Variants in ZNG1B observed in about 807,000 individuals in gnomAD.
ZNG1B encodes zinc-regulated GTPase metalloprotein activator 1B.
chr2:113,472,335 G>T, the ZNG1B span, among the ~76,000 whole-genome samples: 3 of 151,678 alleles, frequency 2.0e-5, no homozygotes, highest in African/African-American at 7.3e-5. Context: ...GGGGTTGTTT[G>T]TTTTTTTTCT....
chr2:113,462,512 T>C, the ZNG1B span: 2 of 1,588,628 alleles, frequency 1.3e-6, no homozygotes, highest in Non-Finnish European at 1.7e-6. Flanking sequence ...ATGATAAGTG[T>C]GTTAAGTGCC....
At chr2:113,461,529 G>A in the ZNG1B span, among the ~76,000 whole-genome samples, 1 of 152,120 alleles carries the variant, frequency 6.6e-6, no homozygotes, top group Non-Finnish European at 1.5e-5. Context: ...AGTGAATTCA[G>A]TTTTGAGAAT....
chr2:113,442,470 C>T, the ZNG1B span, among the ~76,000 whole-genome samples: 1 of 152,144 alleles, frequency 6.6e-6, no homozygotes, highest in Admixed American at 6.5e-5. Context: ...GATGGGAAGC[C>T]AGTTATATTC....
chr2:113,474,753 A>G, the ZNG1B span, among the ~76,000 whole-genome samples: 150 of 152,174 alleles, frequency 9.9e-4, 1 homozygote, highest in Middle Eastern at 3.4e-3. Flanking sequence ...TGTACCCAGT[A>G]GTCATTCAGG....
the ZNG1B span, among the ~76,000 whole-genome samples, chr2:113,475,871 A>C: frequency 1.3e-5 from 2 of 152,160 alleles, no homozygotes; most frequent in African/African-American, 2.4e-5. Flanking sequence ...TGTTAGTCTG[A>C]TGGGCTTCCC....
chr2:113,476,262 T>G, the ZNG1B span, among the ~76,000 whole-genome samples: 1 of 152,150 alleles, frequency 6.6e-6, no homozygotes, highest in African/African-American at 2.4e-5. Flanking sequence ...GCTGATACCC[T>G]TTCTTCCAGT....
the ZNG1B span, among the ~76,000 whole-genome samples, chr2:113,446,559 C>G: frequency 1.3e-5 from 2 of 151,790 alleles, no homozygotes; most frequent in Non-Finnish European, 2.9e-5. Context: ...CCAGCCTAGC[C>G]AACATGGTGA....
the ZNG1B span, among the ~76,000 whole-genome samples, chr2:113,464,064 C>G: frequency 6.9e-6 from 1 of 143,922 alleles, no homozygotes; most frequent in Non-Finnish European, 1.5e-5. Context: ...ACTTTTATAT[C>G]CTTATAGAGA....
chr2:113,495,947 A>G, the ZNG1B span: 6 of 570,362 alleles, frequency 1.1e-5, no homozygotes, highest in Non-Finnish European at 1.6e-5. Context: ...CCTTTTTTTT[A>G]AAGAATGGTA....
chr2:113,439,030 G>T, the ZNG1B span: 15 of 1,480,806 alleles, frequency 1.0e-5, no homozygotes, highest in Non-Finnish European at 1.4e-5. Flanking sequence ...TTATTCAGAG[G>T]CTGCTCTGCT....
At chr2:113,481,055 T>A in the ZNG1B span, among the ~76,000 whole-genome samples, 2 of 151,672 alleles carry the variant, frequency 1.3e-5, no homozygotes, top group African/African-American at 4.9e-5. Context: ...CTGAGACTTA[T>A]GGGAACTAAA....
At chr2:113,446,684 T>G in the ZNG1B span, among the ~76,000 whole-genome samples, 1 of 150,660 alleles carries the variant, frequency 6.6e-6, no homozygotes, top group Admixed American at 6.6e-5. Flanking sequence ...GAGGCGGAGG[T>G]TGCGGTGAGC....
chr2:113,462,057 CA>C, the ZNG1B span, among the ~76,000 whole-genome samples: 1 of 152,204 alleles, frequency 6.6e-6, no homozygotes, highest in African/African-American at 2.4e-5. Context: ...CTTTTCTTCA[CA>C]AAGAAAATTA....
chr2:113,472,206 G>A, the ZNG1B span, among the ~76,000 whole-genome samples: 95 of 151,894 alleles, frequency 6.3e-4, 1 homozygote, highest in African/African-American at 2.2e-3. Flanking sequence ...TCTCATTGTG[G>A]TTTTGATTTG....
chr2:113,448,166 C>T, the ZNG1B span, among the ~76,000 whole-genome samples: 1 of 151,742 alleles, frequency 6.6e-6, no homozygotes, highest in Admixed American at 6.6e-5. Flanking sequence ...AAAGTTACTC[C>T]TTGATCAGTG....
At chr2:113,476,901 G>A in the ZNG1B span, among the ~76,000 whole-genome samples, 133 of 152,026 alleles carry the variant, frequency 8.7e-4, 1 homozygote, top group African/African-American at 2.8e-3. Context: ...GCGTGCTGGG[G>A]GAACCACTGC....
chr2:113,440,758 C>T, the ZNG1B span, among the ~76,000 whole-genome samples: 1 of 145,170 alleles, frequency 6.9e-6, no homozygotes, highest in South Asian at 2.2e-4. Flanking sequence ...TATAGTCATA[C>T]AATTGAACTA....
At chr2:113,494,643 A>G in the ZNG1B span, 4 of 876,600 alleles carry the variant, frequency 4.6e-6, 1 homozygote, top group Non-Finnish European at 5.4e-6. Flanking sequence ...TCATATTCAG[A>G]TAAATATAAT....
the ZNG1B span, among the ~76,000 whole-genome samples, chr2:113,486,804 C>T: frequency 5.9e-5 from 9 of 152,150 alleles, no homozygotes; most frequent in South Asian, 2.1e-4. Flanking sequence ...AATTTGGAGT[C>T]GTATTTTGCG....
Sources: gnomAD v4.1 joint callset for allele counts (sites outside exome capture counted in the v4.1 genomes callset) on GRCh38, gnomAD v4.1.1 for gene constraint, MANE v1.5 for transcripts, NCBI Gene and HGNC (gene_info 2026-07-23, HGNC 2026-07-21) for gene names.